The following ELAPOR2 variants were observed in gnomAD, a reference collection of about 807,000 sequenced individuals.
ELAPOR2 encodes endosome/lysosome-associated apoptosis and autophagy regulator family member 2.
ELAPOR2 carries 89 observed loss-of-function variants against 120.7 expected under a neutral mutation model. That is an observed-to-expected ratio of 0.74 (90% CI 0.62 to 0.88). The LOEUF (loss-of-function observed/expected upper bound fraction) is 0.88, where lower values mean the gene tolerates loss of function less well. Ranked by LOEUF, ELAPOR2 falls within the 40% of genes least tolerant of loss-of-function variation. ELAPOR2 has a pLI of 0.00. For missense variants in ELAPOR2, 1,134 were observed against 1,251.6 expected (o/e 0.91, Z 1.42); for synonymous variants, 444 against 444.9 (o/e 1.00, Z 0.03).
chr7:87,059,037 A>C (rs1016616324), intron 1 of ELAPOR2, among the ~76,000 whole-genome samples: 5 of 151,870 alleles, frequency 3.3e-5, no homozygotes, highest in Admixed American at 2.6e-4. Context: ...CCTCGACCCC[A>C]GGTCCTCAAA....
chr7:87,059,083 A>C (rs1795351331), intron 1 of ELAPOR2, among the ~76,000 whole-genome samples: 1 of 152,048 alleles, frequency 6.6e-6, no homozygotes, highest in South Asian at 2.1e-4. Context: ...AAAGTCCTGC[A>C]GAGCCCCCAA....
chr7:86,913,984 C>T (rs902037939), intron 13 of ELAPOR2, among the ~76,000 whole-genome samples: 1 of 152,158 alleles, frequency 6.6e-6, no homozygotes. Context: ...TCTTAACCTT[C>T]ATAAGGAATA....
intron 8 of ELAPOR2, among the ~76,000 whole-genome samples, chr7:86,929,576 C>T (rs1790232148): frequency 6.6e-6 from 1 of 152,000 alleles, no homozygotes; most frequent in Non-Finnish European, 1.5e-5. Flanking sequence ...TCAACATGTA[C>T]AGTTGTGTTA....
rs147912976 is a variant in ELAPOR2, at chr7:86,980,451, G to A, written c.190-15427C>T. On this transcript the variant is annotated intron_variant, in intron 1 of 21. Transcript: ENST00000450689. ...TCCTATCTCAGCTGGATCCCCACCCGCTTTCTGCAGTCTTTACGGACACCT... is the reference window on the plus strand; with the variant it reads ...TCCTATCTCAGCTGGATCCCCACCCACTTTCTGCAGTCTTTACGGACACCT... Among the ~76,000 whole-genome samples the A allele has an allele frequency of 5.2e-3, 790 of 152,188 alleles. 6 individuals carry two copies. Among genetic ancestry groups the A allele is most frequent in the African/African-American group, 0.018 (752 of 41,518 alleles).
At chr7:87,021,372 A>C (rs1201387013) in intron 1 of ELAPOR2, among the ~76,000 whole-genome samples, 1 of 152,158 alleles carries the variant, frequency 6.6e-6, no homozygotes, top group African/African-American at 2.4e-5. Context: ...CAATGTCTTC[A>C]TAAGATGTTT....
chr7:86,918,293 G>C (rs1171443263), intron 12 of ELAPOR2, 149 bp downstream of exon 12: 2 of 491,132 alleles, frequency 4.1e-6, no homozygotes, highest in African/African-American at 5.0e-5. Context: ...TCAGACATTT[G>C]TTAATGTTTG....
intron 1 of ELAPOR2, among the ~76,000 whole-genome samples, chr7:87,039,057 A>T (rs1794677870): frequency 6.6e-6 from 1 of 152,204 alleles, no homozygotes; most frequent in African/African-American, 2.4e-5. Flanking sequence ...ACAAATAAAT[A>T]AAATCAGAAA....
chr7:86,983,378 A>G lies in ELAPOR2; in HGVS notation c.190-18354T>C, dbSNP rs552663698. ...TTCGAGAAGAGCAACCCCAAGACAC[A>G]TAATTGTCAGATTCACCAAGGTTGA... On this transcript the variant is annotated intron_variant, in intron 1 of 21. Transcript: ENST00000450689. Among the ~76,000 whole-genome samples, 12 of 152,302 alleles carry G rather than the reference A, an allele frequency of 7.9e-5. No individual in the cohort carries two copies. In the East Asian group the frequency reaches 2.1e-3, roughly 27 times the overall value.
intron 1 of ELAPOR2, among the ~76,000 whole-genome samples, chr7:86,992,645 A>C (rs1792981781): frequency 6.6e-6 from 1 of 152,224 alleles, no homozygotes; most frequent in Non-Finnish European, 1.5e-5. Context: ...TTCATATGAA[A>C]AAAATAGGAA....
intron 4 of ELAPOR2, among the ~76,000 whole-genome samples, chr7:86,942,772 A>G (rs182647856): frequency 4.3e-4 from 65 of 152,174 alleles, no homozygotes; most frequent in African/African-American, 1.3e-3. Flanking sequence ...CAGGTCTACA[A>G]TGAATACAGA....
intron 1 of ELAPOR2, among the ~76,000 whole-genome samples, chr7:86,971,774 G>C (rs1238336841): frequency 6.6e-6 from 1 of 152,074 alleles, no homozygotes; most frequent in Non-Finnish European, 1.5e-5. Flanking sequence ...AAGAAAAGCC[G>C]AAAGCTAAGG....
chr7:86,938,193 G>A lies in ELAPOR2; in HGVS notation c.1022C>T (p.Thr341Ile). Residue 341 changes from threonine (T) to isoleucine (I), a missense_variant, in exon 8 of 22, where the codon ACA (threonine) becomes ATA (isoleucine). Thr to Ile is a moderately conservative substitution (Grantham distance 89). Coordinates refer to ENST00000450689, the MANE Select transcript of ELAPOR2 (RefSeq NM_001142749.3). ...TTTTGTGGTACAGGGAGGGCGCTCT[G>A]TACACTCACTGGATCCTTCCTCTGC... ...QFSEEGSSECTERPPCTTKDY... is the reference protein window; with the variant it reads ...QFSEEGSSECIERPPCTTKDY... 6.4e-7 allele frequency: 1 copy of A among 1,550,934 alleles called. No individual in the cohort carries two copies. Among genetic ancestry groups the A allele is most frequent in the Non-Finnish European group, 8.7e-7 (1 of 1,145,900 alleles).
intron 1 of ELAPOR2, among the ~76,000 whole-genome samples, chr7:87,040,487 C>T (rs1237848608): frequency 3.9e-5 from 6 of 152,184 alleles, no homozygotes; most frequent in African/African-American, 1.4e-4. Flanking sequence ...CTGGGAGGCA[C>T]CCCCCAGCAG....
chr7:87,057,490 G>A (rs544033196), intron 1 of ELAPOR2, among the ~76,000 whole-genome samples: 1 of 152,250 alleles, frequency 6.6e-6, no homozygotes, highest in East Asian at 1.9e-4. Context: ...TACAGCCAAA[G>A]GCAGGCTCAA....
chr7:86,966,696 A>T (rs1791917640), intron 1 of ELAPOR2, among the ~76,000 whole-genome samples: 1 of 152,314 alleles, frequency 6.6e-6, no homozygotes, highest in South Asian at 2.1e-4. Context: ...AAAACAACAG[A>T]AATATATTCT....
intron 1 of ELAPOR2, among the ~76,000 whole-genome samples, chr7:87,005,129 T>C (rs1005526968): frequency 3.9e-5 from 6 of 152,044 alleles, no homozygotes; most frequent in Non-Finnish European, 8.8e-5. Context: ...CCACAAAAAA[T>C]GAATTGTCAT....
intron 1 of ELAPOR2, among the ~76,000 whole-genome samples, chr7:86,984,846 T>C (rs930544106): frequency 6.6e-6 from 1 of 152,060 alleles, no homozygotes; most frequent in African/African-American, 2.4e-5. Context: ...AGAGCATAAC[T>C]GAAGGAGATA....
intron 1 of ELAPOR2, among the ~76,000 whole-genome samples, chr7:86,995,546 G>A (rs1454184386): frequency 2.6e-5 from 4 of 152,096 alleles, no homozygotes; most frequent in Non-Finnish European, 4.4e-5. Flanking sequence ...TTAATATAAC[G>A]CGTTTTGCAA....
chr7:86,880,314 C>A lies in ELAPOR2; in HGVS notation c.*157G>T. The stretch of plus-strand genomic sequence containing the variant: ...CAAGGTACTTGACCATGTGATAAGG[C>A]AATCAAATGTTTCAATCTCCTTCCC... On this transcript the variant is annotated 3_prime_UTR_variant, in exon 22 of 22. Coordinates refer to ENST00000450689, the MANE Select transcript of ELAPOR2 (RefSeq NM_001142749.3). 1 of 664,238 alleles carries A rather than the reference C, an allele frequency of 1.5e-6. No homozygotes were observed. Among genetic ancestry groups the A allele is most frequent in the Non-Finnish European group, 2.7e-6 (1 of 372,920 alleles). The allele number at this position is 664,238 out of a possible 1,614,324, so 41.1% of individuals were successfully genotyped here.
Sources: allele counts gnomAD v4.1 joint callset (sites outside exome capture counted in the v4.1 genomes callset), GRCh38; gene constraint gnomAD v4.1.1; transcripts MANE v1.5; gene names NCBI Gene and HGNC (gene_info 2026-07-23, HGNC 2026-07-21).